Variants in TBC1D5 observed in about 807,000 individuals in gnomAD.
TBC1D5 encodes the protein TBC1 domain family, member 5.
In TBC1D5, 75 loss-of-function variants were observed where a neutral mutation model predicts 100.3. The ratio of observed to expected loss-of-function variants is 0.75; its 90% CI spans 0.62 to 0.91. TBC1D5 has a LOEUF of 0.91. TBC1D5 is among the 40% of genes least tolerant of loss of function. The pLI, the probability that TBC1D5 is intolerant of heterozygous loss-of-function variation, is 0.00. For missense variants in TBC1D5, 910 were observed against 942.4 expected (o/e 0.97, Z 0.45); for synonymous variants, 323 against 325.6 (o/e 0.99, Z 0.09).
intron 17 of TBC1D5, among the ~76,000 whole-genome samples, chr3:17,222,815 T>C (rs776341312): frequency 6.6e-6 from 1 of 152,096 alleles, no homozygotes; most frequent in African/African-American, 2.4e-5. Context: ...TGTGATATTA[T>C]ACTCTACTTA....
At chr3:17,619,571 C>T (rs991945927) in intron 2 of TBC1D5, among the ~76,000 whole-genome samples, 20 of 152,124 alleles carry the variant, frequency 1.3e-4, no homozygotes, top group African/African-American at 4.8e-4. Flanking sequence ...CAATGTTTCT[C>T]ATATCATACA....
chr3:17,538,140 AC>A (rs1426513728), intron 2 of TBC1D5, among the ~76,000 whole-genome samples: 1 of 151,768 alleles, frequency 6.6e-6, no homozygotes, highest in Non-Finnish European at 1.5e-5. Context: ...AAACACGCAC[AC>A]CCCCACCCCC....
chr3:17,381,564 C>T (rs2092946336), intron 9 of TBC1D5, among the ~76,000 whole-genome samples: 1 of 152,090 alleles, frequency 6.6e-6, no homozygotes, highest in Non-Finnish European at 1.5e-5. Flanking sequence ...TATTTACTCC[C>T]AGACTTCATG....
At chr3:17,493,702 C>T (rs2095666900) in intron 3 of TBC1D5, among the ~76,000 whole-genome samples, 1 of 152,164 alleles carries the variant, frequency 6.6e-6, no homozygotes, top group South Asian at 2.1e-4. Context: ...ATCCTTTCTT[C>T]CACTTGGTGG....
chr3:17,489,742 T>G (rs1004598727), intron 3 of TBC1D5, among the ~76,000 whole-genome samples: 2 of 152,234 alleles, frequency 1.3e-5, no homozygotes, highest in Admixed American at 6.5e-5. Context: ...CACATTTTCT[T>G]TATCAAGTCT....
At chr3:17,677,421 G>C (rs561826683) in intron 1 of TBC1D5, among the ~76,000 whole-genome samples, 1 of 152,184 alleles carries the variant, frequency 6.6e-6, no homozygotes, top group Non-Finnish European at 1.5e-5. Context: ...CTGGCCATCA[G>C]AGAAATGCAA....
At chr3:17,314,937 G>A (rs886133228) in intron 13 of TBC1D5, among the ~76,000 whole-genome samples, 41 of 152,170 alleles carry the variant, frequency 2.7e-4, no homozygotes, top group African/African-American at 9.2e-4. Context: ...CATCCCCAAA[G>A]TTTTCTGATA....
intron 19 of TBC1D5, among the ~76,000 whole-genome samples, chr3:17,175,480 C>G (rs1184748049): frequency 6.6e-6 from 1 of 152,162 alleles, no homozygotes; most frequent in Non-Finnish European, 1.5e-5. Context: ...ATGGCTATAA[C>G]ATTAGGGTCA....
At chr3:17,285,378 A>G (rs1294771436) in intron 15 of TBC1D5, among the ~76,000 whole-genome samples, 1 of 146,732 alleles carries the variant, frequency 6.8e-6, no homozygotes, top group Non-Finnish European at 1.5e-5. Context: ...CTCCTGCCTC[A>G]GCCTCCCGAG....
intron 1 of TBC1D5, among the ~76,000 whole-genome samples, chr3:17,689,203 A>C (rs1577485653): frequency 6.6e-6 from 1 of 152,190 alleles, no homozygotes; most frequent in Non-Finnish European, 1.5e-5. Context: ...ACAAACAAAA[A>C]AGTGAAATAG....
intron 2 of TBC1D5, among the ~76,000 whole-genome samples, chr3:17,514,190 ATT>A (rs1399734785): frequency 6.6e-6 from 1 of 152,192 alleles, no homozygotes; most frequent in African/African-American, 2.4e-5. Flanking sequence ...AATATTTAAT[ATT>A]GTTAGATTGT....
At chr3:17,515,411 C>T (rs2095971932) in intron 2 of TBC1D5, among the ~76,000 whole-genome samples, 1 of 152,160 alleles carries the variant, frequency 6.6e-6, no homozygotes, top group African/African-American at 2.4e-5. Flanking sequence ...ATAACAACAG[C>T]AGCAAACACA....
chr3:17,195,233 T>A (rs944265008), intron 18 of TBC1D5, among the ~76,000 whole-genome samples: 1 of 152,214 alleles, frequency 6.6e-6, no homozygotes, highest in African/African-American at 2.4e-5. Context: ...CATTTCTGTG[T>A]TGTGTTTTTA....
At chr3:17,651,507 A>G (rs964319808) in intron 1 of TBC1D5, among the ~76,000 whole-genome samples, 1 of 152,132 alleles carries the variant, frequency 6.6e-6, no homozygotes, top group African/African-American at 2.4e-5. Flanking sequence ...GTCCATATTC[A>G]AGACCAGTCT....
chr3:17,252,569 C>G (rs2077265649), intron 16 of TBC1D5, among the ~76,000 whole-genome samples: 1 of 152,162 alleles, frequency 6.6e-6, no homozygotes, highest in African/African-American at 2.4e-5. Context: ...TATCCACATT[C>G]CTCAGCAGGA....
At chr3:17,590,660 C>T (rs2096760864) in intron 2 of TBC1D5, among the ~76,000 whole-genome samples, 1 of 152,126 alleles carries the variant, frequency 6.6e-6, no homozygotes, top group Admixed American at 6.5e-5. Context: ...CGCAGTCACT[C>T]AACTACAAAT....
chr3:17,167,811 T>C (rs752058519), exon 20 of TBC1D5: 1 of 1,607,858 alleles, frequency 6.2e-7, no homozygotes, highest in East Asian at 2.2e-5. Context: ...TCTTGTAATA[T>C]CACATCTTGA....
rs759472015 is a variant in TBC1D5 at position 17,403,266 on chromosome 3, A to G, written c.442-18T>C. ...CAAAGACTCTGAAATAAGGAAAACA[A>G]TCTATTATATAGTCTCACACCTTTG... On this transcript the variant is annotated intron_variant, in intron 7 of 21. Transcript: ENST00000253692. 4.1e-5 allele frequency: 64 copies of G among 1,552,718 alleles called. No individual in the cohort carries two copies. Among genetic ancestry groups the G allele is most frequent in the Non-Finnish European group, 5.5e-5 (62 of 1,136,630 alleles).
chr3:17,422,160 T>C (rs1414908908), intron 4 of TBC1D5, among the ~76,000 whole-genome samples: 1 of 151,914 alleles, frequency 6.6e-6, no homozygotes, highest in Non-Finnish European at 1.5e-5. Context: ...TGTTTTTTGG[T>C]TTTTGGGATT....
Sources: allele counts gnomAD v4.1 joint callset (sites outside exome capture counted in the v4.1 genomes callset), GRCh38; gene constraint gnomAD v4.1.1; transcripts MANE v1.5; gene names NCBI Gene and HGNC (gene_info 2026-07-23, HGNC 2026-07-21).